The following EWSR1 variants were observed in gnomAD, a reference collection of about 807,000 sequenced individuals.
EWSR1 encodes RNA-binding protein EWS.
In EWSR1, 14 loss-of-function variants were observed where a neutral mutation model predicts 92.1. That is an observed-to-expected ratio of 0.15 (90% CI 0.10 to 0.24). The LOEUF is 0.24. EWSR1 is among the 10% of genes least tolerant of loss of function. EWSR1 has a pLI of 1.00. For missense variants in EWSR1, 637 were observed against 870.9 expected (o/e 0.73, Z 3.38); for synonymous variants, 303 against 292.9 (o/e 1.03, Z -0.35).
At chr22:29,286,601 G>A (rs1385673645) in intron 6 of EWSR1, among the ~76,000 whole-genome samples, 2 of 146,550 alleles carry the variant, frequency 1.4e-5, no homozygotes, top group African/African-American at 2.5e-5. Context: ...GCAGGAGAAT[G>A]GCATGAACCC....
At chr22:29,287,577 T>G (rs1448380497) in intron 7 of EWSR1, among the ~76,000 whole-genome samples, 1 of 152,120 alleles carries the variant, frequency 6.6e-6, no homozygotes, top group Non-Finnish European at 1.5e-5. Flanking sequence ...GGACACATCT[T>G]TAGGGCATGG....
At chr22:29,280,589 C>T (rs943297309) in intron 5 of EWSR1, among the ~76,000 whole-genome samples, 9 of 151,736 alleles carry the variant, frequency 5.9e-5, no homozygotes, top group Non-Finnish European at 1.0e-4. Context: ...GTTTCCATTA[C>T]GGAGACTTTG....
At chr22:29,299,883 CCAGGCACAG>C in intron 16 of EWSR1, 32 bp downstream of exon 16, 1 of 1,530,574 alleles carries the variant, frequency 6.5e-7, no homozygotes, top group Non-Finnish European at 8.8e-7. Flanking sequence ...CTGTGGGCCG[CCAGGCACAG>C]TAAGAGGACA....
intron 8 of EWSR1, chr22:29,289,194 G>A (rs946585096): frequency 3.0e-5 from 7 of 236,730 alleles, no homozygotes; most frequent in Admixed American, 2.8e-4. Context: ...GAAAAGGAAT[G>A]CAGCTGTTTT....
At chr22:29,287,230 T>C in intron 7 of EWSR1, 96 bp downstream of exon 7, 3 of 1,247,774 alleles carry the variant, frequency 2.4e-6, no homozygotes, top group Non-Finnish European at 3.4e-6. Flanking sequence ...TCTTTTGAGA[T>C]GGAGTTTCAC....
Position 29,299,760 on chromosome 22 carries a change from A to G in EWSR1, c.1840A>G (p.Arg614Gly). 1 of 1,607,972 alleles carries G rather than the reference A, an allele frequency of 6.2e-7. No individual in the cohort carries two copies. Among genetic ancestry groups the G allele is most frequent in the Non-Finnish European group, 8.5e-7 (1 of 1,176,336 alleles). The change falls in exon 16 of 17, where the codon AGA becomes GGA. Residue 614 changes from arginine (R) to glycine (G), a missense_variant. By Grantham distance (125) the Arg-to-Gly change is moderately radical (BLOSUM62 -2). Around this residue, in one of 5 missense-constraint regions of EWSR1, gnomAD observed 363 missense variants for 447.8 expected, o/e 0.81. Coordinates refer to ENST00000397938, the MANE Select transcript of EWSR1 (RefSeq NM_005243.4). ...GMDRGGFGGG[R>G]RGGPGGPPGP... ...GGACCGAGGTGGCTTTGGTGGAGGA[A>G]GACGAGGTGGCCCTGGGGGGCCCCC...
At chr22:29,298,508 A>G (rs545759655) in intron 13 of EWSR1, among the ~76,000 whole-genome samples, 3 of 76,544 alleles carry the variant, frequency 3.9e-5, no homozygotes, top group Non-Finnish European at 4.9e-5. Flanking sequence ...CTCCGTCTCC[A>G]AAAAAAAAAA....
intron 5 of EWSR1, among the ~76,000 whole-genome samples, chr22:29,280,606 G>A (rs1333353041): frequency 3.3e-5 from 5 of 151,570 alleles, no homozygotes; most frequent in Non-Finnish European, 7.4e-5. Flanking sequence ...TTTGAGCCAA[G>A]TTAGATTAGT....
chr22:29,286,903 T>C lies in EWSR1; in HGVS notation c.582-20T>C, dbSNP rs562800682. 62 of 1,588,366 alleles carry C rather than the reference T, an allele frequency of 3.9e-5. No homozygotes were observed. Among genetic ancestry groups the C allele is most frequent in the East Asian group, 1.1e-4 (5 of 44,746 alleles). On this transcript the variant is annotated intron_variant, in intron 6 of 16. Coordinates refer to ENST00000397938, the MANE Select transcript of EWSR1 (RefSeq NM_005243.4). ...TCTTTCTAAAAAAGCTTTTTTTTTT[T>C]TCTCTTCTCTCTCTTTCAGCTATTC...
intron 7 of EWSR1, 60 bp downstream of exon 7, chr22:29,287,194 G>A (rs1459072236): frequency 2.0e-6 from 3 of 1,522,296 alleles, no homozygotes; most frequent in East Asian, 2.4e-5. Flanking sequence ...TTTTTGTGGG[G>A]TTGATTTTTT....
intron 8 of EWSR1, chr22:29,290,377 C>T: frequency 6.3e-7 from 1 of 1,582,952 alleles, no homozygotes; most frequent in Non-Finnish European, 8.6e-7. Flanking sequence ...AACGTGGAAA[C>T]TTTTTAACAT....
intron 6 of EWSR1, among the ~76,000 whole-genome samples, chr22:29,283,895 C>T (rs1159232402): frequency 2.0e-5 from 3 of 150,888 alleles, no homozygotes; most frequent in Admixed American, 6.6e-5. Context: ...AGTGCAATGG[C>T]GTGATCTTGG....
At chr22:29,282,760 C>CT (rs1228739280) in intron 6 of EWSR1, among the ~76,000 whole-genome samples, 316 of 142,410 alleles carry the variant, frequency 2.2e-3, no homozygotes, top group African/African-American at 3.4e-3. Context: ...ATTCTTTTTT[C>CT]TTTTTTTTTT....
intron 11 of EWSR1, chr22:29,295,502 C>T (rs1384794289): frequency 4.7e-6 from 1 of 211,708 alleles, no homozygotes; most frequent in Non-Finnish European, 9.6e-6. Flanking sequence ...ATTCATACCA[C>T]AGTTTTGCCA....
chr22:29,282,382 C>A lies in EWSR1; in HGVS notation c.414-8C>A. On this transcript the variant is annotated splice_polypyrimidine_tract_variant and splice_region_variant and intron_variant, in intron 5 of 16. Transcript: ENST00000397938. Reference sequence around the variant, plus strand: ...CTTTTTAATTTTATTTATTATTTCTCCTCTTAGACCGCAGGATGGAAACAA... The same window carrying A: ...CTTTTTAATTTTATTTATTATTTCTACTCTTAGACCGCAGGATGGAAACAA... 1.3e-6 allele frequency: 2 copies of A among 1,554,460 alleles called. No individual in the cohort carries two copies. The highest frequency in any genetic ancestry group is 1.2e-5 in the South Asian group (1 of 80,172).
chr22:29,281,468 C>G (rs1271143797), intron 5 of EWSR1, among the ~76,000 whole-genome samples: 1 of 152,058 alleles, frequency 6.6e-6, no homozygotes, highest in East Asian at 1.9e-4. Flanking sequence ...CCATACCTGG[C>G]TAATATTTTT....
intron 5 of EWSR1, among the ~76,000 whole-genome samples, chr22:29,280,607 T>G (rs1040260303): frequency 6.6e-6 from 1 of 152,020 alleles, no homozygotes; most frequent in African/African-American, 2.4e-5. Context: ...TTGAGCCAAG[T>G]TAGATTAGTT....
rs71196650 is a variant in EWSR1 at position 29,280,862 on chromosome 22, G to GTTTTTTTT, written c.414-1498_414-1491dup. On this transcript the variant is annotated intron_variant, in intron 5 of 16. Coordinates refer to ENST00000397938, the MANE Select transcript of EWSR1 (RefSeq NM_005243.4). Reference sequence around the variant, plus strand: ...CTAATTTTGTGTGTGTGTGTGTGTTGTTTTTTTTTTTTTTTTTTTTTTTTT... The same window carrying GTTTTTTTT: ...CTAATTTTGTGTGTGTGTGTGTGTTGTTTTTTTTTTTTTTTTTTTTTTTTTTTTTTTTT... Among the ~76,000 whole-genome samples, 16 of 62,900 alleles carry GTTTTTTTT rather than the reference G, an allele frequency of 2.5e-4. 4 individuals carry two copies. The highest frequency in any genetic ancestry group is 3.4e-4 in the Non-Finnish European group (11 of 32,240). The allele number at this position is 62,900 out of a possible 152,430, so 41.3% of individuals were successfully genotyped here. A position where few individuals can be genotyped will look rare whatever the true frequency, so the allele number is the denominator to read the frequency against.
At chr22:29,271,276 T>TA (rs112905794) in intron 1 of EWSR1, among the ~76,000 whole-genome samples, 24 of 151,640 alleles carry the variant, frequency 1.6e-4, no homozygotes, top group East Asian at 3.9e-4. Context: ...TAACTGCCTT[T>TA]AAAAAAAAAC....
Sources: gnomAD v4.1 joint callset for allele counts (sites outside exome capture counted in the v4.1 genomes callset) on GRCh38, gnomAD v4.1.1 for gene constraint, gnomAD v4.1.1 regional missense constraint, MANE v1.5 for transcripts, NCBI Gene and HGNC (gene_info 2026-07-23, HGNC 2026-07-21) for gene names.